ARB2A: variants seen among roughly 807,000 people sequenced by gnomAD.
The protein encoded by ARB2A is cotranscriptional regulator ARB2A.
At chr5:94,049,833 A>G in the ARB2A span, among the ~76,000 whole-genome samples, 1 of 152,184 alleles carries the variant, frequency 6.6e-6, no homozygotes, top group Non-Finnish European at 1.5e-5. Flanking sequence ...AAACAAAACA[A>G]AATTTAAAAA....
chr5:93,995,118 T>A, the ARB2A span, among the ~76,000 whole-genome samples: 2 of 152,154 alleles, frequency 1.3e-5, no homozygotes, highest in Non-Finnish European at 2.9e-5. Flanking sequence ...AAGTACAGTA[T>A]TAAATCATAA....
At chr5:93,653,554 A>AAAAAAAAAAC in the ARB2A span, among the ~76,000 whole-genome samples, 1 of 129,834 alleles carries the variant, frequency 7.7e-6, no homozygotes, top group African/African-American at 3.1e-5. Flanking sequence ...AAAAAAAAAA[A>AAAAAAAAAAC]AAGACATTAA....
At chr5:93,799,036 T>C in the ARB2A span, among the ~76,000 whole-genome samples, 3 of 152,126 alleles carry the variant, frequency 2.0e-5, no homozygotes, top group Non-Finnish European at 4.4e-5. Context: ...TGCCTTACTA[T>C]GGAAATGAAG....
chr5:93,802,921 C>T, the ARB2A span, among the ~76,000 whole-genome samples: 2 of 151,996 alleles, frequency 1.3e-5, no homozygotes, highest in Non-Finnish European at 2.9e-5. Flanking sequence ...AACAAAAACC[C>T]CCTTCTTACA....
the ARB2A span, among the ~76,000 whole-genome samples, chr5:93,773,116 G>T: frequency 6.6e-6 from 1 of 152,192 alleles, no homozygotes; most frequent in Non-Finnish European, 1.5e-5. Flanking sequence ...TCTAACTTTA[G>T]TGATCCACTA....
the ARB2A span, among the ~76,000 whole-genome samples, chr5:93,928,552 T>G: frequency 6.6e-6 from 1 of 152,148 alleles, no homozygotes; most frequent in South Asian, 2.1e-4. Context: ...ATGTGGCTCC[T>G]TTTTTATCTA....
the ARB2A span, chr5:94,074,525 A>G: frequency 1.4e-6 from 1 of 694,638 alleles, no homozygotes; most frequent in Non-Finnish European, 2.3e-6. Context: ...AAATAATTGC[A>G]AATACTTTAG....
chr5:93,917,921 T>C, the ARB2A span, among the ~76,000 whole-genome samples: 2 of 152,058 alleles, frequency 1.3e-5, no homozygotes, highest in African/African-American at 4.8e-5. Flanking sequence ...TTATAATGTA[T>C]TTCCTTGTCC....
chr5:93,859,392 T>C, the ARB2A span, among the ~76,000 whole-genome samples: 1 of 151,226 alleles, frequency 6.6e-6, no homozygotes, highest in Non-Finnish European at 1.5e-5. Flanking sequence ...TAAACCTAAA[T>C]GTGAAAGGAA....
At chr5:93,811,601 C>G in the ARB2A span, among the ~76,000 whole-genome samples, 1 of 151,984 alleles carries the variant, frequency 6.6e-6, no homozygotes, top group Admixed American at 6.6e-5. Flanking sequence ...TTCACAGGTA[C>G]TTGATGAGAA....
At chr5:93,761,277 C>G in the ARB2A span, among the ~76,000 whole-genome samples, 1 of 152,158 alleles carries the variant, frequency 6.6e-6, no homozygotes, top group Admixed American at 6.5e-5. Context: ...ACCCGGGAAG[C>G]ACAAGGGGTC....
chr5:93,899,275 C>CT, the ARB2A span, among the ~76,000 whole-genome samples: 2 of 152,102 alleles, frequency 1.3e-5, no homozygotes, highest in Admixed American at 1.3e-4. Context: ...CCTACAAACT[C>CT]TGTCACATTG....
the ARB2A span, among the ~76,000 whole-genome samples, chr5:93,707,462 A>AATTCATT: frequency 1.3e-5 from 2 of 152,058 alleles, no homozygotes; most frequent in Admixed American, 6.6e-5. Context: ...TAAATTAAAA[A>AATTCATT]ATTCATTATT....
chr5:93,774,900 T>C, the ARB2A span, among the ~76,000 whole-genome samples: 29 of 152,332 alleles, frequency 1.9e-4, no homozygotes, highest in African/African-American at 7.0e-4. Context: ...CCTGGCCTTG[T>C]ATTTCATCTA....
chr5:93,851,133 T>C, the ARB2A span, among the ~76,000 whole-genome samples: 2 of 152,202 alleles, frequency 1.3e-5, no homozygotes, highest in African/African-American at 4.8e-5. Flanking sequence ...GACTGACAGA[T>C]AAAATGAAAC....
the ARB2A span, among the ~76,000 whole-genome samples, chr5:94,111,077 A>T: frequency 6.6e-6 from 1 of 152,214 alleles, no homozygotes; most frequent in Non-Finnish European, 1.5e-5. Context: ...AAGTTTTGAG[A>T]GCATTTTATA....
chr5:94,099,063 G>T, the ARB2A span, among the ~76,000 whole-genome samples: 1 of 152,090 alleles, frequency 6.6e-6, no homozygotes, highest in Admixed American at 6.5e-5. Flanking sequence ...AAAAGAGCTG[G>T]TACCATTCCT....
At chr5:93,739,631 T>C in the ARB2A span, 2 of 152,004 alleles carry the variant, frequency 1.3e-5, no homozygotes, top group Non-Finnish European at 2.9e-5. Flanking sequence ...TTGACCAAAG[T>C]AGAAGTGGAA....
the ARB2A span, among the ~76,000 whole-genome samples, chr5:93,823,659 AC>A: frequency 2.0e-5 from 3 of 152,196 alleles, no homozygotes; most frequent in Non-Finnish European, 4.4e-5. Context: ...TAAATAAGGA[AC>A]AGGCAAAAAG....
Sources: allele counts gnomAD v4.1 joint callset (sites outside exome capture counted in the v4.1 genomes callset), GRCh38; gene constraint gnomAD v4.1.1; transcripts MANE v1.5; gene names NCBI Gene and HGNC (gene_info 2026-07-23, HGNC 2026-07-21).